UBE2U: variants seen among roughly 807,000 people sequenced by gnomAD.
UBE2U encodes ubiquitin-conjugating enzyme E2 U.
In UBE2U, 39 loss-of-function variants were observed where a neutral mutation model predicts 41.2. The ratio of observed to expected loss-of-function variants is 0.95; its 90% CI spans 0.73 to 1.24. The LOEUF is 1.24. Ranked by LOEUF, UBE2U falls within the 50% of genes most tolerant of loss-of-function variation. UBE2U has a pLI of 0.00. For missense variants in UBE2U, 336 were observed against 363.1 expected (o/e 0.93, Z 0.61); for synonymous variants, 107 against 117.8 (o/e 0.91, Z 0.60).
intron 1 of UBE2U, among the ~76,000 whole-genome samples, chr1:64,204,708 G>A (rs55959117): frequency 0.024 from 3,708 of 152,240 alleles, 146 homozygotes; most frequent in African/African-American, 0.084. Context: ...GCTGATTTAC[G>A]GAAAATGAAA....
chr1:64,208,946 A>G (rs1307161540), intron 3 of UBE2U, among the ~76,000 whole-genome samples: 1 of 152,200 alleles, frequency 6.6e-6, no homozygotes, highest in Non-Finnish European at 1.5e-5. Context: ...ATATATTCCC[A>G]TTTAATAAAC....
At chr1:64,230,079 T>C (rs1455182359) in intron 6 of UBE2U, among the ~76,000 whole-genome samples, 1 of 152,184 alleles carries the variant, frequency 6.6e-6, no homozygotes, top group Non-Finnish European at 1.5e-5. Flanking sequence ...TTCCTTCACT[T>C]TTCACACCCT....
chr1:64,266,339 T>C (rs989752108), intron 9 of UBE2U, among the ~76,000 whole-genome samples: 3 of 152,218 alleles, frequency 2.0e-5, no homozygotes, highest in Non-Finnish European at 4.4e-5. Flanking sequence ...TTCTGTATAC[T>C]ATAACATTGT....
chr1:64,229,116 C>T (rs1653104480), intron 6 of UBE2U, among the ~76,000 whole-genome samples: 1 of 151,986 alleles, frequency 6.6e-6, no homozygotes, highest in South Asian at 2.1e-4. Context: ...GCCTCAGCTT[C>T]CCAAAGTGCT....
intron 9 of UBE2U, among the ~76,000 whole-genome samples, chr1:64,263,969 A>G (rs1326578994): frequency 6.6e-6 from 1 of 152,176 alleles, no homozygotes; most frequent in Non-Finnish European, 1.5e-5. Context: ...GTGTCAGTGC[A>G]TCAGACTAAA....
At chr1:64,250,058 C>T (rs139041771) in intron 8 of UBE2U, among the ~76,000 whole-genome samples, 19 of 152,068 alleles carry the variant, frequency 1.2e-4, no homozygotes, top group East Asian at 5.8e-4. Flanking sequence ...AAAGGAGCAA[C>T]GATAAGAATA....
At chr1:64,255,587 C>A in intron 8 of UBE2U, among the ~76,000 whole-genome samples, 1 of 152,140 alleles carries the variant, frequency 6.6e-6, no homozygotes, top group East Asian at 1.9e-4. Flanking sequence ...ATCAAGTTGG[C>A]TTCATCCTTA....
chr1:64,257,986 A>G (rs538058585), intron 8 of UBE2U, among the ~76,000 whole-genome samples: 14 of 152,316 alleles, frequency 9.2e-5, no homozygotes, highest in Admixed American at 2.6e-4. Context: ...ATTTATTTCC[A>G]TAACTATAGC....
intron 6 of UBE2U, among the ~76,000 whole-genome samples, chr1:64,222,034 C>T (rs1194222011): frequency 7.0e-6 from 1 of 142,702 alleles, no homozygotes; most frequent in Non-Finnish European, 1.5e-5. Flanking sequence ...TTGCAGTGAG[C>T]CAAGCCGAGA....
At chr1:64,230,944 G>T (rs1346521076) in intron 6 of UBE2U, among the ~76,000 whole-genome samples, 1 of 152,028 alleles carries the variant, frequency 6.6e-6, no homozygotes, top group Non-Finnish European at 1.5e-5. Flanking sequence ...GTATTTTTAT[G>T]CTGCATGTAT....
chr1:64,205,941 G>T lies in UBE2U; in HGVS notation c.148+221G>T, dbSNP rs79558812. Among the ~76,000 whole-genome samples, 1,312 of 151,844 alleles carry T rather than the reference G, an allele frequency of 8.6e-3. 25 individuals carry two copies. Among genetic ancestry groups the T allele is most frequent in the African/African-American group, 0.03 (1,257 of 41,394 alleles). ...TGTGTCAACATAGATGGAAATTTGG[G>T]GTATTTTTCTTTATGCCAAATCTTA... On this transcript the variant is annotated intron_variant, in intron 2 of 9. Transcript: ENST00000371077.
At chr1:64,263,908 G>A (rs923366394) in intron 9 of UBE2U, among the ~76,000 whole-genome samples, 3 of 152,188 alleles carry the variant, frequency 2.0e-5, no homozygotes, top group African/African-American at 4.8e-5. Context: ...CACTTTGGGT[G>A]GCTAAATGTG....
At chr1:64,220,711 T>C (rs1652389511) in intron 5 of UBE2U, 148 bp from the exon 6 acceptor site, 1 of 667,946 alleles carries the variant, frequency 1.5e-6, no homozygotes, top group South Asian at 2.0e-5. Flanking sequence ...AAAATTTTCT[T>C]GTCATCTTTC....
chr1:64,226,558 A>G (rs1652880060), intron 6 of UBE2U, among the ~76,000 whole-genome samples: 1 of 152,216 alleles, frequency 6.6e-6, no homozygotes, highest in African/African-American at 2.4e-5. Flanking sequence ...TATTCAAGCC[A>G]GGTGAGATGG....
intron 1 of UBE2U, 75 bp from the exon 2 acceptor site, chr1:64,205,564 C>A: frequency 1.7e-6 from 2 of 1,175,644 alleles, no homozygotes; most frequent in African/African-American, 1.6e-5. Context: ...TCAGTGTGAC[C>A]TGGTATATGA....
chr1:64,207,303 A>AC (rs1448237425), intron 3 of UBE2U, among the ~76,000 whole-genome samples: 3 of 152,116 alleles, frequency 2.0e-5, no homozygotes, highest in Non-Finnish European at 2.9e-5. Flanking sequence ...GGCATGCGCC[A>AC]CCACACCTGG....
rs1169813848 is a variant in UBE2U, at chr1:64,204,039, C to T, written c.-12C>T. 2 of 1,612,880 alleles carry T rather than the reference C, an allele frequency of 1.2e-6. No individual in the cohort carries two copies. Among genetic ancestry groups the T allele is most frequent in the Non-Finnish European group, 1.7e-6 (2 of 1,179,406 alleles). On this transcript the variant is annotated 5_prime_UTR_variant, in exon 1 of 10. Coordinates refer to ENST00000371077, the MANE Select transcript of UBE2U (RefSeq NM_001366232.2). ...CATTTGGGGACAAGTGTCAGACCCT[C>T]CGCTGCCTATCATGCACGGCAGAGC... is the stretch of plus-strand genomic sequence containing the variant.
intron 9 of UBE2U, among the ~76,000 whole-genome samples, chr1:64,265,095 CT>C (rs1175504868): frequency 6.6e-6 from 1 of 152,142 alleles, no homozygotes; most frequent in African/African-American, 2.4e-5. Context: ...GCTTTTTCCC[CT>C]GGATGTTGCT....
chr1:64,213,164 A>G lies in UBE2U; in HGVS notation c.340-1651A>G, dbSNP rs188427824. 2.6e-5 allele frequency among the ~76,000 whole-genome samples: 4 copies of G among 152,030 alleles called. No homozygotes were observed. The East Asian group carries it at 7.8e-4, about 29-fold the overall frequency. The stretch of plus-strand genomic sequence containing the variant: ...GTTCTGTTGCATATCTAATCCTCAC[A>G]CCTAGACTCTCCCTAACACACCAGG... On this transcript the variant is annotated intron_variant, in intron 4 of 9. Coordinates refer to ENST00000371077, the MANE Select transcript of UBE2U (RefSeq NM_001366232.2).
Sources: gnomAD v4.1 joint callset for allele counts (sites outside exome capture counted in the v4.1 genomes callset) on GRCh38, gnomAD v4.1.1 for gene constraint, MANE v1.5 for transcripts, NCBI Gene and HGNC (gene_info 2026-07-23, HGNC 2026-07-21) for gene names.